The following ANO10 variants were observed in gnomAD, a reference collection of about 807,000 sequenced individuals.
ANO10 encodes anoctamin-10.
ANO10 carries 77 observed loss-of-function variants against 74.7 expected under a neutral mutation model. The observed-to-expected ratio is 1.03, with a 90% CI of 0.86 to 1.25. The LOEUF is 1.25. ANO10 is among the 50% of genes most tolerant of loss of function. The pLI is 0.00. For synonymous variants in ANO10, 279 were observed against 284.9 expected, an observed-to-expected ratio of 0.98 and a Z score of 0.21; for missense variants, 721 against 778.1, an observed-to-expected ratio of 0.93 and a Z score of 0.87.
intron 12 of ANO10, among the ~76,000 whole-genome samples, chr3:43,426,558 T>TAC (rs1553656459): frequency 3.6e-4 from 8 of 22,042 alleles, no homozygotes; most frequent in African/African-American, 7.2e-4. Context: ...GCTCCCTGGC[T>TAC]TCTGTGTGTT....
chr3:43,531,929 T>G (rs1025080704), intron 11 of ANO10, among the ~76,000 whole-genome samples: 12 of 149,130 alleles, frequency 8.0e-5, no homozygotes, highest in African/African-American at 2.9e-4. Flanking sequence ...CCCATAGTCA[T>G]GAAAGAGCCA....
intron 1 of ANO10, among the ~76,000 whole-genome samples, chr3:43,675,744 T>C (rs1269181098): frequency 1.3e-5 from 2 of 152,046 alleles, no homozygotes; most frequent in African/African-American, 4.8e-5. Context: ...GCCATCAGAA[T>C]GGCTAAAATA....
chr3:43,684,656 C>T (rs1244877154), intron 1 of ANO10, among the ~76,000 whole-genome samples: 5 of 152,064 alleles, frequency 3.3e-5, no homozygotes, highest in Admixed American at 2.0e-4. Flanking sequence ...GCACTATTCA[C>T]AATAGCAAAG....
At chr3:43,548,926 G>C (rs766150182) in intron 11 of ANO10, among the ~76,000 whole-genome samples, 1 of 152,092 alleles carries the variant, frequency 6.6e-6, no homozygotes, top group South Asian at 2.1e-4. Flanking sequence ...ATTATCTATC[G>C]TCCTACAAAT....
At chr3:43,651,418 T>G (rs1400995795) in intron 1 of ANO10, among the ~76,000 whole-genome samples, 5 of 152,134 alleles carry the variant, frequency 3.3e-5, no homozygotes, top group Non-Finnish European at 7.4e-5. Context: ...GCAGTACAAA[T>G]GTAGTCTACA....
intron 1 of ANO10, among the ~76,000 whole-genome samples, chr3:43,610,439 C>A (rs924532604): frequency 1.3e-5 from 2 of 152,164 alleles, no homozygotes; most frequent in Non-Finnish European, 2.9e-5. Flanking sequence ...AAAGTGGGTT[C>A]ATTACCATTG....
intron 7 of ANO10, among the ~76,000 whole-genome samples, chr3:43,566,214 A>G (rs1184306739): frequency 6.6e-6 from 1 of 152,172 alleles, no homozygotes; most frequent in African/African-American, 2.4e-5. Flanking sequence ...GATTGCTAGC[A>G]CAGCAGTCTG....
chr3:43,653,367 T>A (rs2083810464), intron 1 of ANO10, among the ~76,000 whole-genome samples: 1 of 152,150 alleles, frequency 6.6e-6, no homozygotes, highest in Admixed American at 6.6e-5. Flanking sequence ...TGAAGCACCA[T>A]GAAACACCTC....
intron 10 of ANO10, 74 bp from the exon 11 acceptor site, chr3:43,549,922 C>T: frequency 1.3e-6 from 2 of 1,552,422 alleles, no homozygotes; most frequent in Non-Finnish European, 1.8e-6. Context: ...TTCATGTTAT[C>T]TAAAAATCAA....
rs1249208019 is a variant in ANO10, at chr3:43,576,716, C to T, written c.1138G>A (p.Ala380Thr). ...IEIMNRLYRY[A>T]AEFLTSWENH... is the part of the protein sequence containing the mutation. ...CCCCATGAAGTTAAAAACTCGGCAG[C>T]ATATCGATAGAGACGATTCATGATC... The change falls in exon 6 of 13, where the codon GCT becomes ACT. Residue 380 changes from alanine (A) to threonine (T), a missense_variant. Coordinates refer to ENST00000292246, the MANE Select transcript of ANO10 (RefSeq NM_018075.5). 1 of 1,614,010 alleles carries T rather than the reference C, an allele frequency of 6.2e-7. No individual in the cohort carries two copies. The highest frequency in any genetic ancestry group is 1.3e-5 in the African/African-American group (1 of 74,910).
intron 12 of ANO10, among the ~76,000 whole-genome samples, chr3:43,371,228 T>A (rs960769172): frequency 3.3e-5 from 5 of 151,980 alleles, no homozygotes; most frequent in Non-Finnish European, 7.4e-5. Context: ...GGCTGAAGGA[T>A]AGAAAATCCC....
At chr3:43,528,973 T>A (rs961976207) in intron 11 of ANO10, among the ~76,000 whole-genome samples, 5 of 151,886 alleles carry the variant, frequency 3.3e-5, no homozygotes, top group Non-Finnish European at 7.4e-5. Flanking sequence ...AAAACCCACA[T>A]AAACAAACAA....
chr3:43,385,866 C>T (rs947582621), intron 12 of ANO10, among the ~76,000 whole-genome samples: 2 of 152,072 alleles, frequency 1.3e-5, no homozygotes, highest in Non-Finnish European at 2.9e-5. Context: ...CACTAAAGAA[C>T]TTATTTATGT....
chr3:43,530,440 TA>T (rs1196578901), intron 11 of ANO10, among the ~76,000 whole-genome samples: 2 of 149,016 alleles, frequency 1.3e-5, no homozygotes, highest in African/African-American at 4.9e-5. Context: ...ATATTATATA[TA>T]TTTTATATAT....
At chr3:43,471,085 A>G (rs902681689) in intron 11 of ANO10, among the ~76,000 whole-genome samples, 1 of 152,190 alleles carries the variant, frequency 6.6e-6, no homozygotes, top group African/African-American at 2.4e-5. Context: ...ATTTTCCATT[A>G]AAGTATTTTT....
At chr3:43,551,452 C>A in intron 10 of ANO10, 3 of 455,908 alleles carry the variant, frequency 6.6e-6, no homozygotes, top group South Asian at 3.1e-5. Flanking sequence ...ACTTCATTAC[C>A]TTTTGATAGG....
At chr3:43,433,901 G>A (rs938485151) in intron 11 of ANO10, among the ~76,000 whole-genome samples, 2 of 152,130 alleles carry the variant, frequency 1.3e-5, no homozygotes, top group Admixed American at 6.6e-5. Context: ...TAATTAAAAG[G>A]CATTAAGAAA....
At chr3:43,575,856 C>T (rs1337666157) in intron 6 of ANO10, among the ~76,000 whole-genome samples, 1 of 152,106 alleles carries the variant, frequency 6.6e-6, no homozygotes. Context: ...CCAGGCTGGT[C>T]TCGAACTCCT....
chr3:43,395,232 T>A (rs2092354916), intron 12 of ANO10, among the ~76,000 whole-genome samples: 2 of 152,216 alleles, frequency 1.3e-5, no homozygotes. Flanking sequence ...TCTTTTAGCT[T>A]TCTCATTATA....
Sources: gnomAD v4.1 joint callset for allele counts (sites outside exome capture counted in the v4.1 genomes callset) on GRCh38, gnomAD v4.1.1 for gene constraint, MANE v1.5 for transcripts, NCBI Gene and HGNC (gene_info 2026-07-23, HGNC 2026-07-21) for gene names.